NPC1L1: variants seen among roughly 807,000 people sequenced by gnomAD.
NPC1L1 encodes NPC1-like intracellular cholesterol transporter 1.
NPC1L1 carries 98 observed loss-of-function variants against 117.0 expected under a neutral mutation model. The observed-to-expected ratio is 0.84, with a 90% CI of 0.71 to 0.99. The LOEUF is 0.99. Ranked by LOEUF, NPC1L1 falls within the 50% of genes least tolerant of loss-of-function variation. NPC1L1 has a pLI of 0.00. For synonymous variants in NPC1L1, 729 were observed against 727.6 expected, an observed-to-expected ratio of 1.00 and a Z score of -0.03; for missense variants, 1,540 against 1,710.0, an observed-to-expected ratio of 0.90 and a Z score of 1.75.
At chr7:44,529,754 G>A (rs964165479) in intron 10 of NPC1L1, among the ~76,000 whole-genome samples, 5 of 152,020 alleles carry the variant, frequency 3.3e-5, no homozygotes, top group African/African-American at 1.2e-4. Context: ...AAAGTAAATG[G>A]GCCGGGCACA....
intron 8 of NPC1L1, among the ~76,000 whole-genome samples, chr7:44,532,515 C>A (rs1246711143): frequency 2.0e-5 from 3 of 152,194 alleles, no homozygotes; most frequent in African/African-American, 2.4e-5. Context: ...TCTCTTCCAC[C>A]TCTGCCGCCC....
intron 10 of NPC1L1, 28 bp downstream of exon 10, chr7:44,531,727 C>T (rs1404268068): frequency 6.4e-7 from 1 of 1,551,842 alleles, no homozygotes; most frequent in Non-Finnish European, 8.7e-7. Context: ...TCCCAGGGGC[C>T]TAAGGGTTGA....
At chr7:44,540,827 T>C (rs1227879137) in intron 1 of NPC1L1, among the ~76,000 whole-genome samples, 1 of 152,018 alleles carries the variant, frequency 6.6e-6, no homozygotes, top group African/African-American at 2.4e-5. Context: ...GCGCTGGATC[T>C]TCTCCCAGCC....
At chr7:44,515,620 C>T (rs1801159371) in intron 18 of NPC1L1, among the ~76,000 whole-genome samples, 183 bp downstream of exon 18, 1 of 152,196 alleles carries the variant, frequency 6.6e-6, no homozygotes, top group African/African-American at 2.4e-5. Context: ...AAAAGATGTT[C>T]ACAGCACATT....
rs1173584723 is a variant in NPC1L1 at position 44,533,848 on chromosome 7, C to A, written c.2172G>T (p.Leu724=). 1 of 1,610,574 alleles carries A rather than the reference C, an allele frequency of 6.2e-7. No individual in the cohort carries two copies. The highest frequency in any genetic ancestry group is 1.3e-5 in the African/African-American group (1 of 74,924). ...CTCGTGGCTCCCCAGGCCTCCGGGG[C>A]AGCCTCTGTGTGGGAACAGCAGGGA... ...IFIFVLEYQR[L]PRRPGEPREV... Residue 724 remains leucine, a synonymous_variant, in exon 7 of 19, where the codon CTG becomes CTT. Coordinates refer to ENST00000381160, the MANE Select transcript of NPC1L1 (RefSeq NM_001101648.2).
intron 10 of NPC1L1, among the ~76,000 whole-genome samples, chr7:44,522,893 G>A (rs937790494): frequency 6.6e-6 from 1 of 151,174 alleles, no homozygotes; most frequent in Non-Finnish European, 1.5e-5. Flanking sequence ...ACATATAAAT[G>A]TCAGTGTGCA....
chr7:44,519,632 T>C (rs546342734), intron 14 of NPC1L1, among the ~76,000 whole-genome samples: 169 of 152,154 alleles, frequency 1.1e-3, no homozygotes, highest in Non-Finnish European at 2.2e-3. Flanking sequence ...ACGACCCCCA[T>C]GTCCATCTCC....
intron 8 of NPC1L1, 130 bp downstream of exon 8, chr7:44,533,301 C>T: frequency 8.9e-7 from 1 of 1,120,930 alleles, no homozygotes; most frequent in Non-Finnish European, 1.3e-6. Context: ...AAATATTACT[C>T]TCCTGGCACA....
chr7:44,539,248 C>A lies in NPC1L1; in HGVS notation c.1149G>T (p.Trp383Cys). The change falls in exon 2 of 19, where the codon TGG becomes TGT. Residue 383 changes from tryptophan to cysteine, a missense_variant. Coordinates refer to ENST00000381160, the MANE Select transcript of NPC1L1 (RefSeq NM_001101648.2). The surrounding 1 kb of genome is among the most constrained non-coding windows in gnomAD (Gnocchi z 4.4). ...TELTTDPVEL[W>C]SAPNSQARSE... Reference sequence around the variant, plus strand: ...TCCGGGCTTGGCTGTTGGGGGCCGACCACAGCTCCACGGGGTCCGTAGTGA... The same window carrying A: ...TCCGGGCTTGGCTGTTGGGGGCCGAACACAGCTCCACGGGGTCCGTAGTGA... The A allele has an allele frequency of 6.2e-7, 1 of 1,614,116 alleles. No homozygotes were observed. The highest frequency in any genetic ancestry group is 8.5e-7 in the Non-Finnish European group (1 of 1,180,042).
Position 44,536,405 on chromosome 7 carries a change from C to A in NPC1L1, c.1705G>T (p.Ala569Ser). 6.2e-7 allele frequency: 1 copy of A among 1,613,570 alleles called. No homozygotes were observed. The highest frequency in any genetic ancestry group is 2.2e-5 in the East Asian group (1 of 44,884). ...TTGAGGGAGAACGTCATGATCAGGG[C>A]CTCTGCCTCAGAATAGTCCTTTCCT... ...YKGKDYSEAE[A>S]LIMTFSLNNY... Residue 569 changes from alanine to serine, a missense_variant, in exon 4 of 19, where the codon GCC (alanine) becomes TCC (serine). By Grantham distance (99) the Ala-to-Ser change is moderately conservative. This residue lies in a region of NPC1L1 where 793 missense variants were observed against 820.4 expected (regional missense o/e 0.97). Coordinates refer to ENST00000381160, the MANE Select transcript of NPC1L1 (RefSeq NM_001101648.2). This position sits in a 1 kb window ranked among gnomAD's most constrained non-coding sequence, Gnocchi z 4.7.
At chr7:44,527,055 A>C (rs549767207) in intron 10 of NPC1L1, among the ~76,000 whole-genome samples, 4 of 152,108 alleles carry the variant, frequency 2.6e-5, no homozygotes, top group Non-Finnish European at 5.9e-5. Flanking sequence ...AAAAATTAAA[A>C]TGAGGGTGAA....
chr7:44,532,434 G>A (rs745711352), intron 8 of NPC1L1, among the ~76,000 whole-genome samples: 9 of 152,030 alleles, frequency 5.9e-5, no homozygotes, highest in Non-Finnish European at 1.2e-4. Context: ...AACTCCTGTC[G>A]ACCTCTCATT....
At position 44,513,408 on chromosome 7, in the gene NPC1L1, G is replaced by T. The variant is rs766964251; in HGVS notation, c.*39C>A. 23 of 1,593,470 alleles carry T rather than the reference G, an allele frequency of 1.4e-5. No individual in the cohort carries two copies. The South Asian group carries it at 2.5e-4, about 18-fold the overall frequency. The stretch of plus-strand genomic sequence containing the variant: ...CAAGGAAGATCCCCATAACCCTTTG[G>T]TTCAGGGCCATAGAGCCTAGACAGG... On this transcript the variant is annotated 3_prime_UTR_variant, in exon 19 of 19. Coordinates refer to ENST00000381160, the MANE Select transcript of NPC1L1 (RefSeq NM_001101648.2).
intron 16 of NPC1L1, 79 bp from the exon 17 acceptor site, chr7:44,516,276 C>G (rs1395723443): frequency 4.3e-6 from 5 of 1,174,672 alleles, no homozygotes; most frequent in East Asian, 2.5e-5. Context: ...CCACCAGGAC[C>G]AGCGTGGGGC....
At chr7:44,531,966 G>A in intron 9 of NPC1L1, 114 bp downstream of exon 9, 2 of 1,547,182 alleles carry the variant, frequency 1.3e-6, no homozygotes, top group Non-Finnish European at 1.8e-6. Context: ...TTGCGTGCCA[G>A]CCCCAAGTAT....
intron 14 of NPC1L1, among the ~76,000 whole-genome samples, chr7:44,520,238 C>T (rs956809948): frequency 1.3e-5 from 2 of 152,084 alleles, no homozygotes; most frequent in Admixed American, 6.5e-5. Flanking sequence ...CGAGATTGCA[C>T]CACTGCACTC....
chr7:44,537,086 A>G (rs989319421), intron 2 of NPC1L1, 144 bp from the exon 3 acceptor site: 7 of 653,808 alleles, frequency 1.1e-5, no homozygotes, highest in Non-Finnish European at 1.9e-5. Context: ...CAGATAGCCC[A>G]GCTATCTGCA....
At chr7:44,530,104 A>G (rs182078601) in intron 10 of NPC1L1, among the ~76,000 whole-genome samples, 60 of 151,578 alleles carry the variant, frequency 4.0e-4, no homozygotes, top group African/African-American at 1.3e-3. Context: ...TTGGGAGGCC[A>G]GGGCTGGTGG....
rs145342895 is a variant in NPC1L1, at chr7:44,517,207, G to C, written c.3287C>G (p.Thr1096Arg). The C allele has an allele frequency of 7.4e-6, 12 of 1,614,014 alleles. No homozygotes were observed. The highest frequency in any genetic ancestry group is 3.3e-5 in the Admixed American group (2 of 59,996). ...CCAGCCCAGCCACTCAGGTCCTCAC[G>C]TGTAGGGGAAGACCTCAAAAGCCGG... ...TDPAFEVFPY[T>R]ITNVFYEQYL... Residue 1096 changes from threonine (T) to arginine (R), a missense_variant and splice_region_variant, in exon 15 of 19, where the codon ACG becomes AGG. By Grantham distance (71) the Thr-to-Arg change is moderately conservative. Transcript: ENST00000381160.
Sources: allele counts gnomAD v4.1 joint callset (sites outside exome capture counted in the v4.1 genomes callset), GRCh38; gene constraint gnomAD v4.1.1; regional missense constraint gnomAD v4.1.1; non-coding constraint Gnocchi (gnomAD v3.1); transcripts MANE v1.5; gene names NCBI Gene and HGNC (gene_info 2026-07-23, HGNC 2026-07-21).